The following MRPL22 variants were observed in gnomAD, a reference collection of about 807,000 sequenced individuals.
The protein encoded by MRPL22 is large ribosomal subunit protein uL22m.
MRPL22 carries 27 observed loss-of-function variants against 32.4 expected under a neutral mutation model. The observed-to-expected ratio is 0.83, with a 90% CI of 0.61 to 1.15. The LOEUF (loss-of-function observed/expected upper bound fraction) is 1.15. Ranked by LOEUF, MRPL22 falls within the 50% of genes most tolerant of loss-of-function variation. MRPL22 has a pLI of 0.00. For missense variants in MRPL22, 239 were observed against 260.2 expected (o/e 0.92, Z 0.56); for synonymous variants, 86 against 87.3 (o/e 0.99, Z 0.08).
At chr5:154,951,010 A>T (rs1318969016) in intron 3 of MRPL22, 72 bp downstream of exon 3, 1 of 1,000,166 alleles carries the variant, frequency 1.0e-6, no homozygotes, top group Non-Finnish European at 1.5e-6. Context: ...GTAATGATTT[A>T]TTATTCTGTG....
chr5:154,946,643 G>A (rs372526435), intron 2 of MRPL22, among the ~76,000 whole-genome samples: 6 of 150,466 alleles, frequency 4.0e-5, no homozygotes, highest in South Asian at 2.2e-4. Context: ...GTGAAACCCC[G>A]TCTCTACTAA....
intron 6 of MRPL22, among the ~76,000 whole-genome samples, chr5:154,962,591 T>A (rs1180635591): frequency 6.6e-6 from 1 of 152,226 alleles, no homozygotes; most frequent in Non-Finnish European, 1.5e-5. Flanking sequence ...GTTCTCATTA[T>A]ATGGTAACTC....
At chr5:154,944,139 G>T (rs896115864) in intron 2 of MRPL22, among the ~76,000 whole-genome samples, 1 of 152,146 alleles carries the variant, frequency 6.6e-6, no homozygotes. Context: ...TGTATTTTTA[G>T]TAGAGATGGG....
chr5:154,961,737 A>T (rs1764706841), intron 6 of MRPL22, among the ~76,000 whole-genome samples: 1 of 152,090 alleles, frequency 6.6e-6, no homozygotes, highest in Non-Finnish European at 1.5e-5. Context: ...CTCAGGCTGG[A>T]GTGCAGTGGT....
chr5:154,956,854 A>G (rs1764636849), intron 4 of MRPL22: 1 of 385,060 alleles, frequency 2.6e-6, no homozygotes. Context: ...GATGCCTTGA[A>G]TGCCTAGTGT....
chr5:154,952,043 G>A (rs937420605), intron 3 of MRPL22, among the ~76,000 whole-genome samples: 32 of 151,834 alleles, frequency 2.1e-4, no homozygotes, highest in African/African-American at 7.5e-4. Flanking sequence ...CCACCATCCC[G>A]GCTAATTTTT....
At chr5:154,945,506 A>T (rs1561737712) in intron 2 of MRPL22, among the ~76,000 whole-genome samples, 1 of 152,246 alleles carries the variant, frequency 6.6e-6, no homozygotes, top group Non-Finnish European at 1.5e-5. Flanking sequence ...CAGGGAACGG[A>T]TGTACATTTG....
intron 2 of MRPL22, among the ~76,000 whole-genome samples, chr5:154,944,016 A>G (rs913755810): frequency 1.2e-4 from 19 of 152,084 alleles, no homozygotes; most frequent in Admixed American, 1.0e-3. Flanking sequence ...TGATGCATAC[A>G]TTTGAGAAGT....
At chr5:154,953,481 A>G (rs751772570) in intron 3 of MRPL22, among the ~76,000 whole-genome samples, 6 of 151,982 alleles carry the variant, frequency 3.9e-5, no homozygotes, top group Non-Finnish European at 7.4e-5. Context: ...TATCTTTGAA[A>G]AAAAGCTATG....
intron 6 of MRPL22, among the ~76,000 whole-genome samples, chr5:154,964,319 C>T (rs1764740228): frequency 6.6e-6 from 1 of 152,142 alleles, no homozygotes; most frequent in African/African-American, 2.4e-5. Flanking sequence ...TCTTCCTTGA[C>T]CCACGTTTCA....
At chr5:154,966,569 C>T in intron 6 of MRPL22, 117 bp from the exon 7 acceptor site, 1 of 1,050,712 alleles carries the variant, frequency 9.5e-7, no homozygotes, top group South Asian at 1.5e-5. Flanking sequence ...CTGCTCTAGC[C>T]AACCAGTGAG....
intron 3 of MRPL22, 67 bp downstream of exon 3, chr5:154,951,005 G>T (rs1201081672): frequency 9.8e-7 from 1 of 1,018,220 alleles, no homozygotes; most frequent in East Asian, 2.4e-5. Flanking sequence ...GATTAGTAAT[G>T]ATTTATTATT....
chr5:154,943,068 AAGGT>A (rs917724308), intron 2 of MRPL22, among the ~76,000 whole-genome samples: 2 of 152,228 alleles, frequency 1.3e-5, no homozygotes, highest in African/African-American at 4.8e-5. Context: ...ACTAAGTAGA[AAGGT>A]ATAAATAATG....
chr5:154,949,803 TTCA>T (rs1291030075), intron 2 of MRPL22, among the ~76,000 whole-genome samples: 5 of 152,090 alleles, frequency 3.3e-5, no homozygotes, highest in Non-Finnish European at 5.9e-5. Flanking sequence ...ATTTGGGATC[TTCA>T]TCATCAAGTC....
intron 2 of MRPL22, among the ~76,000 whole-genome samples, chr5:154,943,171 G>A (rs1289480869): frequency 1.3e-5 from 2 of 151,212 alleles, no homozygotes; most frequent in Non-Finnish European, 2.9e-5. Context: ...ACACGGTCTC[G>A]CTCTGTGCCT....
At chr5:154,954,958 A>T (rs1411155124) in intron 3 of MRPL22, among the ~76,000 whole-genome samples, 2 of 145,584 alleles carry the variant, frequency 1.4e-5, no homozygotes, top group Admixed American at 6.9e-5. Flanking sequence ...TGCCCGGCTA[A>T]TTTTTTTTTT....
intron 5 of MRPL22, 81 bp downstream of exon 5, chr5:154,957,293 T>G: frequency 8.5e-7 from 1 of 1,182,302 alleles, no homozygotes; most frequent in Non-Finnish European, 1.3e-6. Context: ...AAGCTTAGCC[T>G]AAATCATGAA....
intron 3 of MRPL22, chr5:154,955,222 AT>A (rs1465030878): frequency 1.8e-4 from 28 of 152,284 alleles, no homozygotes; most frequent in African/African-American, 5.3e-4. Context: ...TAATTAGGCT[AT>A]TGCTATAGTT....
intron 6 of MRPL22, among the ~76,000 whole-genome samples, chr5:154,963,977 G>A (rs1273074317): frequency 6.6e-6 from 1 of 152,130 alleles, no homozygotes; most frequent in Non-Finnish European, 1.5e-5. Flanking sequence ...GTACAATGAG[G>A]AGAACAGTGT....
Sources: allele counts gnomAD v4.1 joint callset (sites outside exome capture counted in the v4.1 genomes callset), GRCh38; gene constraint gnomAD v4.1.1; transcripts MANE v1.5; gene names NCBI Gene and HGNC (gene_info 2026-07-23, HGNC 2026-07-21).